Variants in FAM117B observed in about 807,000 individuals in gnomAD.
FAM117B encodes protein FAM117B.
A neutral mutation model predicts 52.8 loss-of-function variants in FAM117B; 22 were observed. That is an observed-to-expected ratio of 0.42 (90% CI 0.30 to 0.59). The LOEUF (loss-of-function observed/expected upper bound fraction) is 0.59. FAM117B is among the 20% of genes least tolerant of loss of function. The pLI is 0.22. For missense variants in FAM117B, 678 were observed against 802.6 expected, an observed-to-expected ratio of 0.84 and a Z score of 1.88; for synonymous variants, 309 against 324.1, an observed-to-expected ratio of 0.95 and a Z score of 0.50.
intron 1 of FAM117B, among the ~76,000 whole-genome samples, chr2:202,688,057 A>G (rs1690571049): frequency 6.6e-6 from 1 of 152,188 alleles, no homozygotes; most frequent in African/African-American, 2.4e-5. Flanking sequence ...TTCTCATGTA[A>G]GTTTATCATT....
intron 4 of FAM117B, among the ~76,000 whole-genome samples, chr2:202,750,842 G>A (rs1691710397): frequency 6.6e-6 from 1 of 152,188 alleles, no homozygotes; most frequent in Non-Finnish European, 1.5e-5. Context: ...ATCTGTGTGT[G>A]TGTCTGTTTT....
intron 1 of FAM117B, among the ~76,000 whole-genome samples, chr2:202,640,317 T>TGGC (rs1689751245): frequency 9.0e-6 from 1 of 111,326 alleles, no homozygotes; most frequent in African/African-American, 3.8e-5. Context: ...TATATATATA[T>TGGC]ATATATATAT....
intron 2 of FAM117B, among the ~76,000 whole-genome samples, chr2:202,717,791 T>G (rs1691081606): frequency 6.6e-6 from 1 of 152,074 alleles, no homozygotes; most frequent in Non-Finnish European, 1.5e-5. Context: ...AGGCCTGCTG[T>G]AACCACTATC....
chr2:202,759,557 AT>A (rs554908259), intron 7 of FAM117B, among the ~76,000 whole-genome samples: 32,327 of 140,788 alleles, frequency 0.23, 3,599 homozygotes, highest in South Asian at 0.37. Flanking sequence ...AGCCTGGCTA[AT>A]TTTTTTTTTT....
intron 4 of FAM117B, among the ~76,000 whole-genome samples, chr2:202,731,332 A>AAAATATATATATATAC (rs1553522256): frequency 6.2e-4 from 19 of 30,738 alleles, no homozygotes; most frequent in Non-Finnish European, 1.8e-3. Flanking sequence ...GAGAAATTGG[A>AAAATATATATATATAC]ATATATATAT....
At chr2:202,761,875 A>G (rs998513821) in intron 7 of FAM117B, among the ~76,000 whole-genome samples, 1 of 151,072 alleles carries the variant, frequency 6.6e-6, no homozygotes, top group African/African-American at 2.4e-5. Flanking sequence ...AGGTAAACCT[A>G]TTCTTTTTTT....
In FAM117B at chr2:202,749,054, AAAAT is replaced by A. The variant is rs567798817; in HGVS notation, c.961-6479_961-6476del. Among the ~76,000 whole-genome samples, 1,181 of 152,330 alleles carry A rather than the reference AAAAT, an allele frequency of 7.8e-3. 17 individuals are homozygous for A. The highest frequency in any genetic ancestry group is 0.027 in the African/African-American group (1,117 of 41,564). The stretch of plus-strand genomic sequence containing the variant: ...TATGAAACTTAGCAAAGGTTTAGAA[AAAAT>A]AAATCCAATTTAGAGAGTTTCATGA... On this transcript the variant is annotated intron_variant, in intron 4 of 7. Transcript: ENST00000392238.
At chr2:202,658,761 T>C (rs1450730721) in intron 1 of FAM117B, among the ~76,000 whole-genome samples, 1 of 152,238 alleles carries the variant, frequency 6.6e-6, no homozygotes, top group Non-Finnish European at 1.5e-5. Context: ...TGTAATGTGT[T>C]GTTTTTCACT....
chr2:202,691,043 A>C (rs184896232), intron 1 of FAM117B, among the ~76,000 whole-genome samples: 222 of 152,292 alleles, frequency 1.5e-3, no homozygotes, highest in African/African-American at 4.9e-3. Context: ...AAATGGATTA[A>C]AGGAAGGGAG....
At chr2:202,698,850 C>T (rs1690753838) in intron 2 of FAM117B, among the ~76,000 whole-genome samples, 1 of 152,146 alleles carries the variant, frequency 6.6e-6, no homozygotes, top group African/African-American at 2.4e-5. Context: ...CTGCTTAATC[C>T]ACATGTCACA....
chr2:202,722,084 C>T (rs1253863726), intron 2 of FAM117B, among the ~76,000 whole-genome samples: 1 of 146,900 alleles, frequency 6.8e-6, no homozygotes, highest in Non-Finnish European at 1.5e-5. Context: ...GATCTCAGCT[C>T]ACTGCAACCT....
At chr2:202,691,121 T>C (rs960701081) in intron 1 of FAM117B, among the ~76,000 whole-genome samples, 1 of 152,074 alleles carries the variant, frequency 6.6e-6, no homozygotes, top group Non-Finnish European at 1.5e-5. Flanking sequence ...ATTATCAAAA[T>C]AATAATAATC....
intron 4 of FAM117B, among the ~76,000 whole-genome samples, chr2:202,753,129 C>A (rs889486743): frequency 6.6e-6 from 1 of 152,172 alleles, no homozygotes; most frequent in Non-Finnish European, 1.5e-5. Context: ...TACTATAAGG[C>A]TACAGTAACC....
chr2:202,651,187 G>A (rs1689950378), intron 1 of FAM117B, among the ~76,000 whole-genome samples: 1 of 151,254 alleles, frequency 6.6e-6, no homozygotes, highest in Non-Finnish European at 1.5e-5. Flanking sequence ...TCAGCCTCCA[G>A]AGTAGATGGG....
In FAM117B at chr2:202,635,334, G is replaced by A. The variant is rs760411154; in HGVS notation, c.147G>A (p.Gln49=). The A allele has an allele frequency of 9.9e-6, 14 of 1,414,608 alleles. No homozygotes were observed. The South Asian group carries it at 1.9e-4, about 19-fold the overall frequency. The allele number at this position is 1,414,608 out of a possible 1,614,324, so 87.6% of individuals were successfully genotyped here. A position where few individuals can be genotyped will look rare whatever the true frequency, so the allele number is the denominator to read the frequency against. ...VPFQLKQQQQ[Q]QHGSPTRSGG... Reference sequence around the variant, plus strand: ...TCCAGCTGAAGCAGCAGCAGCAGCAGCAACATGGCAGCCCCACGCGGAGCG... The same window carrying A: ...TCCAGCTGAAGCAGCAGCAGCAGCAACAACATGGCAGCCCCACGCGGAGCG... The change falls in exon 1 of 8, where the codon CAG becomes CAA. Residue 49 remains glutamine, a synonymous_variant. Transcript: ENST00000392238.
chr2:202,679,955 T>C lies in FAM117B; in HGVS notation c.602-15926T>C, dbSNP rs980126107. On this transcript the variant is annotated intron_variant, in intron 1 of 7. Transcript: ENST00000392238. ...AAACTGGCATTATAAATATGTTCAG[T>C]ATGCTCAGAGATTTAAAGGAAAACA... Among the ~76,000 whole-genome samples, 3 of 152,168 alleles carry C rather than the reference T, an allele frequency of 2.0e-5. No individual in the cohort carries two copies. In the South Asian group the frequency reaches 6.2e-4, roughly 31 times the overall value.
Position 202,767,291 on chromosome 2 carries a change from G to C in FAM117B, c.*1527G>C, listed in dbSNP as rs1175695460. On this transcript the variant is annotated 3_prime_UTR_variant, in exon 8 of 8. Transcript: ENST00000392238. ...TTCTCCTGCCTCAGCCTCCCAAGTAGCTGGGATTACAGGCATGCACCACCA... is the reference window on the plus strand; with the variant it reads ...TTCTCCTGCCTCAGCCTCCCAAGTACCTGGGATTACAGGCATGCACCACCA... 1 of 151,380 alleles carries C rather than the reference G, an allele frequency of 6.6e-6. No individual in the cohort carries two copies. The highest frequency in any genetic ancestry group is 2.4e-5 in the African/African-American group (1 of 41,054). 9.4% of individuals were successfully genotyped at this position (151,380 alleles called of 1,614,324 possible).
intron 1 of FAM117B, among the ~76,000 whole-genome samples, chr2:202,662,268 A>C (rs1367526556): frequency 6.6e-6 from 1 of 152,166 alleles, no homozygotes; most frequent in Non-Finnish European, 1.5e-5. Flanking sequence ...TATTATATTA[A>C]GTGAAATAAT....
chr2:202,722,007 ATTTTTT>A (rs57678317), intron 2 of FAM117B, among the ~76,000 whole-genome samples: 1 of 128,598 alleles, frequency 7.8e-6, no homozygotes, highest in African/African-American at 2.9e-5. Context: ...TAAAGATACA[ATTTTTT>A]TTTTTTTTTT....
Sources: allele counts gnomAD v4.1 joint callset (sites outside exome capture counted in the v4.1 genomes callset), GRCh38; gene constraint gnomAD v4.1.1; transcripts MANE v1.5; gene names NCBI Gene and HGNC (gene_info 2026-07-23, HGNC 2026-07-21).